XKR6: variants seen among roughly 807,000 people sequenced by gnomAD.
XKR6 encodes the protein XK related 6, also known as XK-related protein 6.
Under a neutral mutation model 56.7 loss-of-function variants are expected in XKR6, and 22 were observed. That is an observed-to-expected ratio of 0.39 (90% CI 0.28 to 0.55). The LOEUF (loss-of-function observed/expected upper bound fraction) is 0.55, where lower values mean the gene tolerates loss of function less well. XKR6 is among the 20% of genes least tolerant of loss of function. XKR6 has a pLI of 0.66. For missense variants in XKR6, 852 were observed against 889.0 expected (o/e 0.96, Z 0.53); for synonymous variants, 524 against 387.8 (o/e 1.35, Z -4.13).
intron 1 of XKR6, among the ~76,000 whole-genome samples, chr8:11,184,380 TACACACATACAC>T (rs1344862490): frequency 7.8e-6 from 1 of 128,848 alleles, no homozygotes; most frequent in South Asian, 2.3e-4. Context: ...TATATATATA[TACACACATACAC>T]ACACACACAC....
At chr8:11,023,569 G>T (rs751579014) in intron 1 of XKR6, among the ~76,000 whole-genome samples, 2 of 152,210 alleles carry the variant, frequency 1.3e-5, no homozygotes, top group African/African-American at 2.4e-5. Flanking sequence ...ACCTGGGACT[G>T]CTTTCTAAAG....
At chr8:11,065,493 G>A (rs762581244) in intron 1 of XKR6, among the ~76,000 whole-genome samples, 12 of 152,064 alleles carry the variant, frequency 7.9e-5, no homozygotes, top group African/African-American at 1.4e-4. Context: ...TTCTGTGGCC[G>A]TGATGAGCGT....
At chr8:11,103,491 G>T (rs1257949743) in intron 1 of XKR6, among the ~76,000 whole-genome samples, 2 of 152,174 alleles carry the variant, frequency 1.3e-5, no homozygotes, top group Non-Finnish European at 2.9e-5. Context: ...AAAACTACCT[G>T]ACAATGATCT....
rs187836788 is a variant in XKR6, at chr8:11,089,329, G to A, written c.764+111247C>T. On this transcript the variant is annotated intron_variant, in intron 1 of 2. Coordinates refer to ENST00000416569, the MANE Select transcript of XKR6 (RefSeq NM_173683.4). ...TACACTCACGCCAGCCTGGGGTTGAGTGCTTTTTAAAAATGAAGTAGTCTG... is the reference window on the plus strand; with the variant it reads ...TACACTCACGCCAGCCTGGGGTTGAATGCTTTTTAAAAATGAAGTAGTCTG... Among the ~76,000 whole-genome samples the A allele has an allele frequency of 1.7e-3, 256 of 152,314 alleles. 2 individuals are homozygous for A. Among genetic ancestry groups the A allele is most frequent in the Non-Finnish European group, 3.4e-4 (23 of 68,028 alleles).
intron 1 of XKR6, among the ~76,000 whole-genome samples, chr8:10,985,490 C>A (rs544070749): frequency 2.0e-5 from 3 of 151,790 alleles, no homozygotes; most frequent in Non-Finnish European, 4.4e-5. Flanking sequence ...AATTCTAAAG[C>A]TTGTTCCCTT....
intron 1 of XKR6, chr8:11,125,982 C>T (rs1387191830): frequency 6.6e-6 from 1 of 152,188 alleles, no homozygotes; most frequent in African/African-American, 2.4e-5. Context: ...CTCTAAATCT[C>T]TTTGTCTTTC....
At chr8:11,071,758 G>A (rs1037549346) in intron 1 of XKR6, among the ~76,000 whole-genome samples, 1 of 152,078 alleles carries the variant, frequency 6.6e-6, no homozygotes, top group Non-Finnish European at 1.5e-5. Flanking sequence ...AAATGAATAC[G>A]AGGCCCAAGG....
At chr8:10,912,127 G>A (rs183291328) in intron 2 of XKR6, among the ~76,000 whole-genome samples, 315 of 148,532 alleles carry the variant, frequency 2.1e-3, no homozygotes, top group African/African-American at 6.9e-3. Context: ...GAGAGAGAGC[G>A]CTAGAGAGAG....
chr8:11,061,214 G>C lies in XKR6; in HGVS notation c.765-136384C>G, dbSNP rs548897808. Among the ~76,000 whole-genome samples the C allele has an allele frequency of 1.1e-4, 17 of 152,260 alleles. No homozygotes were observed. In the South Asian group the frequency reaches 3.3e-3, roughly 30 times the overall value. On this transcript the variant is annotated intron_variant, in intron 1 of 2. Transcript: ENST00000416569. Reference sequence around the variant, plus strand: ...TGTGGTGGCTCACACCTGTAATCTTGGCACTTTGGGAGGCCCAGGTGAGAG... The same window carrying C: ...TGTGGTGGCTCACACCTGTAATCTTCGCACTTTGGGAGGCCCAGGTGAGAG...
intron 1 of XKR6, among the ~76,000 whole-genome samples, chr8:10,981,025 G>A (rs1247049902): frequency 6.6e-6 from 1 of 151,972 alleles, no homozygotes; most frequent in African/African-American, 2.4e-5. Context: ...GTGTTTGAAG[G>A]GTCAAAATAC....
At chr8:11,038,612 G>A (rs975381614) in intron 1 of XKR6, among the ~76,000 whole-genome samples, 2 of 151,222 alleles carry the variant, frequency 1.3e-5, no homozygotes, top group African/African-American at 4.9e-5. Flanking sequence ...ACAGCTCACT[G>A]CAGCCTCAAA....
At chr8:11,105,612 C>G (rs760511971) in intron 1 of XKR6, 1 of 152,210 alleles carries the variant, frequency 6.6e-6, no homozygotes, top group African/African-American at 2.4e-5. Flanking sequence ...CGTATTGATA[C>G]GATCTTCTTC....
chr8:10,989,373 G>C (rs548790701), intron 1 of XKR6, among the ~76,000 whole-genome samples: 2 of 152,282 alleles, frequency 1.3e-5, no homozygotes, highest in South Asian at 2.1e-4. Context: ...TTTACCATAG[G>C]ACCTCATAGT....
intron 1 of XKR6, among the ~76,000 whole-genome samples, chr8:10,938,700 T>C (rs1406159511): frequency 1.3e-5 from 2 of 152,076 alleles, no homozygotes; most frequent in Non-Finnish European, 2.9e-5. Context: ...TAAGGCATGA[T>C]TTGCTTAAAA....
chr8:10,961,624 AAC>A, intron 1 of XKR6, among the ~76,000 whole-genome samples: 1 of 152,338 alleles, frequency 6.6e-6, no homozygotes, highest in Admixed American at 6.5e-5. Context: ...ATGGGTGGCA[AAC>A]ACAGACCCAG....
At chr8:11,004,928 G>A (rs1439403949) in intron 1 of XKR6, among the ~76,000 whole-genome samples, 1 of 152,070 alleles carries the variant, frequency 6.6e-6, no homozygotes, top group African/African-American at 2.4e-5. Context: ...AATGAAATCA[G>A]CCAATCACAT....
chr8:11,152,290 T>C (rs1371323378), intron 1 of XKR6, among the ~76,000 whole-genome samples: 1 of 152,204 alleles, frequency 6.6e-6, no homozygotes. Context: ...ACAGTTGCCC[T>C]TCCTGAAACA....
chr8:10,913,726 G>A (rs1800476139), intron 2 of XKR6, among the ~76,000 whole-genome samples: 1 of 152,190 alleles, frequency 6.6e-6, no homozygotes, highest in African/African-American at 2.4e-5. Context: ...CCCCACTAGG[G>A]ACTTCACGTG....
At chr8:11,092,286 C>A (rs189978990) in intron 1 of XKR6, among the ~76,000 whole-genome samples, 6 of 152,336 alleles carry the variant, frequency 3.9e-5, no homozygotes, top group African/African-American at 1.4e-4. Flanking sequence ...CACACACACA[C>A]GCACTTATGA....
Sources: gnomAD v4.1 joint callset for allele counts (sites outside exome capture counted in the v4.1 genomes callset) on GRCh38, gnomAD v4.1.1 for gene constraint, MANE v1.5 for transcripts, NCBI Gene and HGNC (gene_info 2026-07-23, HGNC 2026-07-21) for gene names.